Variants in PTPRO observed in about 807,000 individuals in gnomAD.
The protein encoded by PTPRO is receptor-type tyrosine-protein phosphatase O.
A neutral mutation model predicts 145.2 loss-of-function variants in PTPRO; 62 were observed. The ratio of observed to expected loss-of-function variants is 0.43; its 90% CI spans 0.35 to 0.53. The LOEUF (loss-of-function observed/expected upper bound fraction) is 0.53, where lower values mean the gene tolerates loss of function less well. Among genes scored for constraint, PTPRO ranks in the 20% least tolerant of loss-of-function variants. The probability of loss-of-function intolerance (pLI) is 0.01; values close to 1 mark genes in which losing one functional copy is unlikely to be tolerated. For missense variants in PTPRO, 1,345 were observed against 1,482.7 expected, an observed-to-expected ratio of 0.91 and a Z score of 1.53; for synonymous variants, 565 against 514.7, an observed-to-expected ratio of 1.10 and a Z score of -1.32.
At chr12:15,548,496 C>T (rs1379806443) in intron 13 of PTPRO, among the ~76,000 whole-genome samples, 6 of 151,014 alleles carry the variant, frequency 4.0e-5, no homozygotes, top group African/African-American at 1.5e-4. Flanking sequence ...ATATTACATG[C>T]ATATATTGTG....
intron 1 of PTPRO, among the ~76,000 whole-genome samples, chr12:15,391,723 C>G (rs932759956): frequency 2.0e-5 from 3 of 152,176 alleles, no homozygotes; most frequent in African/African-American, 7.2e-5. Context: ...TAAAGTGAGA[C>G]AGAGTAAAGG....
chr12:15,453,842 A>G (rs572576887), intron 1 of PTPRO, among the ~76,000 whole-genome samples: 7 of 152,282 alleles, frequency 4.6e-5, no homozygotes, highest in Admixed American at 4.6e-4. Flanking sequence ...TTGTCCTTCT[A>G]TGACTGGCTT....
intron 1 of PTPRO, chr12:15,348,621 C>T (rs1429755471): frequency 6.6e-6 from 1 of 152,160 alleles, no homozygotes; most frequent in Non-Finnish European, 1.5e-5. Flanking sequence ...CCCGTCTCTA[C>T]TAAAAATACA....
chr12:15,498,653 T>C, intron 3 of PTPRO, among the ~76,000 whole-genome samples: 1 of 104,764 alleles, frequency 9.5e-6, no homozygotes, highest in Admixed American at 1.2e-4. Context: ...CCACAAAGTA[T>C]TATGTTCTTT....
chr12:15,503,858 C>T, intron 5 of PTPRO, 50 bp from the exon 6 acceptor site: 3 of 1,464,208 alleles, frequency 2.0e-6, no homozygotes, highest in Non-Finnish European at 2.9e-6. Context: ...ATACCCAGGG[C>T]CTTTCCAGGT....
At chr12:15,450,478 A>G (rs1243209227) in intron 1 of PTPRO, among the ~76,000 whole-genome samples, 1 of 152,144 alleles carries the variant, frequency 6.6e-6, no homozygotes, top group Admixed American at 6.5e-5. Flanking sequence ...GTTTCATTTA[A>G]TTCTTAAAGT....
chr12:15,446,597 G>A (rs915258465), intron 1 of PTPRO, among the ~76,000 whole-genome samples: 8 of 151,786 alleles, frequency 5.3e-5, no homozygotes, highest in African/African-American at 1.9e-4. Context: ...GGATTCTTTG[G>A]AATAAAATTC....
intron 19 of PTPRO, among the ~76,000 whole-genome samples, chr12:15,578,142 C>T (rs1296454532): frequency 6.6e-6 from 1 of 152,112 alleles, no homozygotes; most frequent in Non-Finnish European, 1.5e-5. Context: ...TAATCCCATA[C>T]TTTGTAACAT....
At chr12:15,410,636 T>C (rs1248962618) in intron 1 of PTPRO, 1 of 152,206 alleles carries the variant, frequency 6.6e-6, no homozygotes, top group Non-Finnish European at 1.5e-5. Flanking sequence ...TGAGCCAATA[T>C]GTGATAATAA....
At chr12:15,543,579 A>G (rs1242319821) in intron 12 of PTPRO, among the ~76,000 whole-genome samples, 10 of 152,192 alleles carry the variant, frequency 6.6e-5, no homozygotes, top group African/African-American at 2.4e-4. Flanking sequence ...TCATGTTTTA[A>G]ATCAGCCGAT....
At chr12:15,470,641 T>A (rs1330346744) in intron 1 of PTPRO, among the ~76,000 whole-genome samples, 1 of 152,190 alleles carries the variant, frequency 6.6e-6, no homozygotes, top group Non-Finnish European at 1.5e-5. Context: ...TGCTGCATTA[T>A]TATATATATT....
rs114367612 is a variant in PTPRO at position 15,531,138 on chromosome 12, A to C, written c.2164+4876A>C. ...AGAAGAAATGGATAGATTCCTGAAC[A>C]CACCTAATGAGACTGAACAATTAAG... On this transcript the variant is annotated intron_variant, in intron 12 of 26. Transcript: ENST00000281171. Among the ~76,000 whole-genome samples the C allele has an allele frequency of 5.7e-3, 875 of 152,282 alleles. 10 individuals carry two copies. The highest frequency in any genetic ancestry group is 0.02 in the African/African-American group (843 of 41,572).
intron 1 of PTPRO, among the ~76,000 whole-genome samples, chr12:15,344,540 T>C (rs774800180): frequency 6.6e-6 from 1 of 152,250 alleles, no homozygotes; most frequent in East Asian, 1.9e-4. Flanking sequence ...GTATACATTA[T>C]TGATATTGCT....
intron 19 of PTPRO, among the ~76,000 whole-genome samples, chr12:15,572,996 G>A (rs1369113506): frequency 1.3e-5 from 2 of 152,182 alleles, no homozygotes; most frequent in East Asian, 3.8e-4. Flanking sequence ...AGAAATATGG[G>A]TTAAATATGG....
At chr12:15,383,713 G>T (rs1364170453) in intron 1 of PTPRO, among the ~76,000 whole-genome samples, 1 of 152,162 alleles carries the variant, frequency 6.6e-6, no homozygotes, top group Non-Finnish European at 1.5e-5. Context: ...CAAAGCAAGA[G>T]CTTCCAGGTC....
intron 12 of PTPRO, among the ~76,000 whole-genome samples, chr12:15,535,817 T>C (rs1397595895): frequency 6.6e-6 from 1 of 152,238 alleles, no homozygotes; most frequent in Non-Finnish European, 1.5e-5. Flanking sequence ...TTAGGGACAT[T>C]GGCTTGATTT....
intron 2 of PTPRO, among the ~76,000 whole-genome samples, chr12:15,496,888 C>G (rs1026543468): frequency 1.1e-4 from 16 of 152,142 alleles, no homozygotes; most frequent in Admixed American, 1.0e-3. Context: ...TCTGGAGATA[C>G]AGACTGTCAT....
At chr12:15,426,012 A>G (rs1044811948) in intron 1 of PTPRO, among the ~76,000 whole-genome samples, 2 of 151,636 alleles carry the variant, frequency 1.3e-5, no homozygotes, top group African/African-American at 4.8e-5. Context: ...AATTAATTTG[A>G]AGAAAACTGA....
At chr12:15,421,473 G>A (rs3926500) in intron 1 of PTPRO, among the ~76,000 whole-genome samples, 85,884 of 151,950 alleles carry the variant, frequency 0.57, 24,553 homozygotes, top group East Asian at 0.72. Context: ...GTTGACCTTA[G>A]AATAGGCATA....
Sources: gnomAD v4.1 joint callset for allele counts (sites outside exome capture counted in the v4.1 genomes callset) on GRCh38, gnomAD v4.1.1 for gene constraint, MANE v1.5 for transcripts, NCBI Gene and HGNC (gene_info 2026-07-23, HGNC 2026-07-21) for gene names.